CHLSN: variants seen among roughly 807,000 people sequenced by gnomAD.
CHLSN encodes protein cholesin.
the CHLSN span, among the ~76,000 whole-genome samples, chr7:991,291 C>CTCTCACCCCA: frequency 6.6e-6 from 1 of 152,204 alleles, no homozygotes. Context: ...CTCACGCGAC[C>CTCTCACCCCA]TCTCACCCCA....
chr7:1,053,593 C>T, the CHLSN span, among the ~76,000 whole-genome samples: 1 of 152,138 alleles, frequency 6.6e-6, no homozygotes, highest in Non-Finnish European at 1.5e-5. Flanking sequence ...TTTGGGAGGC[C>T]GAGGTGGGCG....
At chr7:1,089,706 C>G in the CHLSN span, among the ~76,000 whole-genome samples, 1 of 132,996 alleles carries the variant, frequency 7.5e-6, no homozygotes, top group African/African-American at 3.0e-5. Flanking sequence ...TATAGGCCAG[C>G]CTTTTTTTTT....
At chr7:1,056,831 T>C in the CHLSN span, 1 of 117,200 alleles carries the variant, frequency 8.5e-6, no homozygotes, top group South Asian at 3.0e-4. Context: ...GAGATAGCTG[T>C]AGGTCCCTGA....
the CHLSN span, among the ~76,000 whole-genome samples, chr7:1,116,029 T>C: frequency 4.8e-5 from 5 of 103,194 alleles, no homozygotes; most frequent in Non-Finnish European, 8.0e-5. Context: ...GATGATGACA[T>C]CACTACAGCT....
the CHLSN span, among the ~76,000 whole-genome samples, chr7:1,004,851 C>T: frequency 6.6e-6 from 1 of 152,216 alleles, no homozygotes; most frequent in African/African-American, 2.4e-5. Context: ...AGGGAAGTCC[C>T]TTGTCCCCAG....
the CHLSN span, among the ~76,000 whole-genome samples, chr7:978,312 G>C: frequency 1.3e-5 from 2 of 152,176 alleles, no homozygotes; most frequent in Non-Finnish European, 2.9e-5. Flanking sequence ...GAGCCCAGGA[G>C]TTTGAGACCA....
chr7:1,044,395 C>T, the CHLSN span, among the ~76,000 whole-genome samples: 2,177 of 152,374 alleles, frequency 0.014, 38 homozygotes, highest in Non-Finnish European at 0.023. Context: ...AGCACTGCCT[C>T]CACCGCCACC....
chr7:1,137,781 C>T, the CHLSN span: 1 of 152,198 alleles, frequency 6.6e-6, no homozygotes, highest in Non-Finnish European at 1.5e-5. Flanking sequence ...GCACTCCAGC[C>T]TGGGTGGCAC....
At chr7:1,092,130 G>T in the CHLSN span, 3 of 1,613,576 alleles carry the variant, frequency 1.9e-6, no homozygotes, top group Non-Finnish European at 2.5e-6. Context: ...CCTTCATGTC[G>T]CTCTTCCTGC....
chr7:1,094,032 G>T, the CHLSN span, among the ~76,000 whole-genome samples: 471 of 152,372 alleles, frequency 3.1e-3, 1 homozygote, highest in African/African-American at 0.011. Flanking sequence ...TCATGCTTGG[G>T]TGCCATGACA....
the CHLSN span, among the ~76,000 whole-genome samples, chr7:1,136,940 GTGACTCCC>G: frequency 6.6e-6 from 1 of 152,038 alleles, no homozygotes; most frequent in African/African-American, 2.4e-5. Flanking sequence ...CACCCAGAAT[GTGACTCCC>G]TTAAGATCCC....
the CHLSN span, among the ~76,000 whole-genome samples, chr7:1,041,851 T>G: frequency 7.0e-6 from 1 of 143,122 alleles, no homozygotes; most frequent in Non-Finnish European, 1.5e-5. Flanking sequence ...GCTGGGCCCC[T>G]CTCCAGCTCC....
chr7:1,099,267 C>T, the CHLSN span, among the ~76,000 whole-genome samples: 3 of 152,236 alleles, frequency 2.0e-5, no homozygotes, highest in African/African-American at 2.4e-5. Context: ...CCTCCCCTTC[C>T]GGAGCCTCGC....
chr7:988,453 CT>C, the CHLSN span: 2 of 1,609,872 alleles, frequency 1.2e-6, no homozygotes. Flanking sequence ...GGGGCGGCAC[CT>C]CCAGGGCTCC....
chr7:1,027,751 AC>A, the CHLSN span, among the ~76,000 whole-genome samples: 3 of 151,668 alleles, frequency 2.0e-5, no homozygotes, highest in Non-Finnish European at 4.4e-5. Flanking sequence ...GGGGTCCTCT[AC>A]CCCGGCACAG....
At chr7:1,016,604 T>TACAGCAGCGCACGCCAGAGC in the CHLSN span, among the ~76,000 whole-genome samples, 2 of 24,928 alleles carry the variant, frequency 8.0e-5, no homozygotes, top group East Asian at 9.1e-4. Flanking sequence ...CACAGCAGCG[T>TACAGCAGCGCACGCCAGAGC]ACAGCAGCGC....
chr7:1,099,161 C>T, the CHLSN span, among the ~76,000 whole-genome samples: 2 of 133,942 alleles, frequency 1.5e-5, no homozygotes, highest in Non-Finnish European at 3.3e-5. Context: ...CTCGCTGTCG[C>T]GTTCCTGCAG....
chr7:1,122,448 G>A, the CHLSN span, among the ~76,000 whole-genome samples: 47,624 of 152,086 alleles, frequency 0.31, 8,306 homozygotes, highest in African/African-American at 0.46. Context: ...GTGGTCACGC[G>A]TATGCCGCCT....
the CHLSN span, among the ~76,000 whole-genome samples, chr7:980,663 T>C: frequency 6.6e-6 from 1 of 151,008 alleles, no homozygotes; most frequent in African/African-American, 2.4e-5. Flanking sequence ...AGGAGTACTG[T>C]TAATTCCCCA....
Sources: gnomAD v4.1 joint callset for allele counts (sites outside exome capture counted in the v4.1 genomes callset) on GRCh38, gnomAD v4.1.1 for gene constraint, MANE v1.5 for transcripts, NCBI Gene and HGNC (gene_info 2026-07-23, HGNC 2026-07-21) for gene names.